Variants in GRIN2B observed in about 807,000 individuals in gnomAD.
GRIN2B encodes the protein glutamate receptor ionotropic, NMDA 2B.
In GRIN2B, 5 loss-of-function variants were observed where a neutral mutation model predicts 114.5. The observed-to-expected ratio is 0.04, with a 90% confidence interval of 0.02 to 0.09. GRIN2B has a LOEUF of 0.09. Ranked by LOEUF, GRIN2B falls within the 10% of genes least tolerant of loss-of-function variation. The pLI, the probability that GRIN2B is intolerant of heterozygous loss-of-function variation, is 1.00. For missense variants in GRIN2B, 1,108 were observed against 1,943.5 expected, an observed-to-expected ratio of 0.57 and a Z score of 8.08; for synonymous variants, 787 against 745.1, an observed-to-expected ratio of 1.06 and a Z score of -0.92.
At chr12:13,689,486 A>G (rs966500791) in intron 4 of GRIN2B, among the ~76,000 whole-genome samples, 1 of 152,094 alleles carries the variant, frequency 6.6e-6, no homozygotes, top group Non-Finnish European at 1.5e-5. Flanking sequence ...TTACAAAATG[A>G]TTCTTACATT....
intron 3 of GRIN2B, among the ~76,000 whole-genome samples, chr12:13,808,715 C>G (rs958629141): frequency 7.2e-6 from 1 of 139,162 alleles, no homozygotes; most frequent in Non-Finnish European, 1.5e-5. Context: ...GCACATTATG[C>G]ACATGTACCC....
intron 5 of GRIN2B, among the ~76,000 whole-genome samples, chr12:13,650,038 G>T (rs1451733650): frequency 6.6e-6 from 1 of 152,016 alleles, no homozygotes; most frequent in Non-Finnish European, 1.5e-5. Flanking sequence ...TAGATGCCCT[G>T]CACTGCCCAG....
At chr12:13,858,191 T>C (rs77665969) in intron 3 of GRIN2B, among the ~76,000 whole-genome samples, 22,807 of 152,174 alleles carry the variant, frequency 0.15, 2,176 homozygotes, top group Middle Eastern at 0.23. Context: ...AGATAAAATA[T>C]ATAAGATGAC....
intron 4 of GRIN2B, among the ~76,000 whole-genome samples, chr12:13,691,383 G>A (rs1221338782): frequency 1.3e-5 from 2 of 152,128 alleles, no homozygotes; most frequent in African/African-American, 4.8e-5. Flanking sequence ...TAGTTCAGGT[G>A]GAAATCAGAA....
chr12:13,688,040 T>G (rs1273527168), intron 4 of GRIN2B, among the ~76,000 whole-genome samples: 1 of 152,174 alleles, frequency 6.6e-6, no homozygotes, highest in Non-Finnish European at 1.5e-5. Context: ...TTTTACATTC[T>G]CACATCAATG....
At chr12:13,950,332 G>C (rs1336432185) in intron 2 of GRIN2B, among the ~76,000 whole-genome samples, 6 of 152,198 alleles carry the variant, frequency 3.9e-5, no homozygotes, top group Non-Finnish European at 8.8e-5. Context: ...TAGCATTGGG[G>C]TTGTAAGTGG....
chr12:13,896,560 G>A (rs1236892889), intron 2 of GRIN2B, among the ~76,000 whole-genome samples: 1 of 152,080 alleles, frequency 6.6e-6, no homozygotes, highest in Non-Finnish European at 1.5e-5. Flanking sequence ...TGAATATAAT[G>A]TACAACTACA....
chr12:13,830,968 T>TGG (rs1441048852), intron 3 of GRIN2B, among the ~76,000 whole-genome samples: 1 of 152,222 alleles, frequency 6.6e-6, no homozygotes, highest in Admixed American at 6.5e-5. Flanking sequence ...GGGAAGTGTT[T>TGG]GGGTCATGGA....
intron 2 of GRIN2B, among the ~76,000 whole-genome samples, chr12:13,886,995 C>T (rs147097839): frequency 3.3e-5 from 5 of 152,274 alleles, no homozygotes; most frequent in Admixed American, 2.6e-4. Flanking sequence ...ACAGAAAATT[C>T]AAGTAACTAA....
chr12:13,823,678 C>T (rs1408900076), intron 3 of GRIN2B, among the ~76,000 whole-genome samples: 2 of 151,992 alleles, frequency 1.3e-5, no homozygotes, highest in African/African-American at 4.8e-5. Context: ...ATGCTACAAC[C>T]CTTTGTATAA....
At chr12:13,892,426 T>A (rs1004720812) in intron 2 of GRIN2B, among the ~76,000 whole-genome samples, 1 of 152,214 alleles carries the variant, frequency 6.6e-6, no homozygotes, top group African/African-American at 2.4e-5. Context: ...ATTCTCATAA[T>A]GAAATATCAC....
intron 2 of GRIN2B, among the ~76,000 whole-genome samples, chr12:13,925,931 T>C (rs1004114078): frequency 1.2e-4 from 18 of 152,114 alleles, no homozygotes; most frequent in Non-Finnish European, 2.6e-4. Context: ...TAAACTATTT[T>C]CCTCCGTTCA....
At chr12:13,774,199 T>C (rs769414997) in intron 3 of GRIN2B, among the ~76,000 whole-genome samples, 1 of 152,256 alleles carries the variant, frequency 6.6e-6, no homozygotes, top group Non-Finnish European at 1.5e-5. Context: ...GTGATTTCTC[T>C]TTATACCCCA....
intron 2 of GRIN2B, among the ~76,000 whole-genome samples, chr12:13,952,018 G>C (rs1220612989): frequency 6.6e-6 from 1 of 152,004 alleles, no homozygotes; most frequent in African/African-American, 2.4e-5. Context: ...GTGGATCTGT[G>C]TATATATAGC....
chr12:13,628,846 G>A (rs1432899081), intron 5 of GRIN2B, among the ~76,000 whole-genome samples: 1 of 152,212 alleles, frequency 6.6e-6, no homozygotes, highest in Non-Finnish European at 1.5e-5. Flanking sequence ...GGACAATGAA[G>A]CAATGTAGTT....
intron 4 of GRIN2B, among the ~76,000 whole-genome samples, chr12:13,692,760 C>CTTTTTTTTTTTTTTTTTT (rs71067718): frequency 2.7e-4 from 14 of 52,120 alleles, no homozygotes; most frequent in Admixed American, 7.0e-4. Context: ...TCTTTCTTTT[C>CTTTTTTTTTTTTTTTTTT]TTTTTTTTTT....
At chr12:13,975,122 A>G (rs1462585363) in intron 2 of GRIN2B, among the ~76,000 whole-genome samples, 1 of 152,214 alleles carries the variant, frequency 6.6e-6, no homozygotes, top group Non-Finnish European at 1.5e-5. Flanking sequence ...AAGTGCTGGA[A>G]TCCCAAAAGT....
chr12:13,702,912 G>A (rs754987168), intron 4 of GRIN2B, among the ~76,000 whole-genome samples: 7 of 152,148 alleles, frequency 4.6e-5, no homozygotes, highest in Non-Finnish European at 1.0e-4. Context: ...TTGCTTACAA[G>A]TTTGTATAGA....
chr12:13,722,384 C>G (rs1213927968), intron 4 of GRIN2B, among the ~76,000 whole-genome samples: 8 of 151,962 alleles, frequency 5.3e-5, no homozygotes, highest in Non-Finnish European at 1.2e-4. Context: ...TTTAAGAGTT[C>G]AAAAAAGCGA....
Sources: allele counts gnomAD v4.1 joint callset (sites outside exome capture counted in the v4.1 genomes callset), GRCh38; gene constraint gnomAD v4.1.1; transcripts MANE v1.5; gene names NCBI Gene and HGNC (gene_info 2026-07-23, HGNC 2026-07-21).